The following ZBTB2 variants were observed in gnomAD, a reference collection of about 807,000 sequenced individuals.
ZBTB2 encodes zinc finger and BTB domain containing 2, also known as zinc finger and BTB domain-containing protein 2.
Under a neutral mutation model 39.5 loss-of-function variants are expected in ZBTB2, and 2 were observed. The ratio of observed to expected loss-of-function variants is 0.05; its 90% CI spans 0.02 to 0.16. The LOEUF (loss-of-function observed/expected upper bound fraction) is 0.16, where lower values mean the gene tolerates loss of function less well. ZBTB2 is among the 10% of genes least tolerant of loss of function. The pLI, the probability that ZBTB2 is intolerant of heterozygous loss-of-function variation, is 1.00. For synonymous variants in ZBTB2, 251 were observed against 256.6 expected (o/e 0.98, Z 0.21); for missense variants, 391 against 653.0 (o/e 0.60, Z 4.37).
chr6:151,367,608 T>C (rs1778678843), intron 2 of ZBTB2, among the ~76,000 whole-genome samples: 1 of 152,156 alleles, frequency 6.6e-6, no homozygotes, highest in African/African-American at 2.4e-5. Context: ...CAATATCATG[T>C]AGTTGGTAAG....
chr6:151,390,740 G>C (rs1259517794), intron 1 of ZBTB2, among the ~76,000 whole-genome samples: 1 of 151,592 alleles, frequency 6.6e-6, no homozygotes, highest in Non-Finnish European at 1.5e-5. Context: ...GCCTGCTCCG[G>C]TCGGACCGGA....
intron 2 of ZBTB2, chr6:151,370,169 C>T: frequency 1.2e-6 from 1 of 806,698 alleles, no homozygotes; most frequent in Non-Finnish European, 1.5e-6. Context: ...GAGTTTCACT[C>T]TTGTTGCCCA....
chr6:151,374,153 C>T (rs182061360), intron 1 of ZBTB2, among the ~76,000 whole-genome samples: 2 of 152,116 alleles, frequency 1.3e-5, no homozygotes, highest in African/African-American at 2.4e-5. Flanking sequence ...GGTGTTGGGG[C>T]GGGGTCCCAG....
rs540018873 is a variant in ZBTB2, at chr6:151,379,540, G to C, written c.-12-5891C>G. ...ACCTGTGGTCCCAGCTACTCTGGAA[G>C]CTGAAGTGGGAGGATCACTTGAGCC... On this transcript the variant is annotated intron_variant, in intron 1 of 2. Coordinates refer to ENST00000325144, the MANE Select transcript of ZBTB2 (RefSeq NM_020861.3). Among the ~76,000 whole-genome samples the C allele has an allele frequency of 3.4e-5, 5 of 148,986 alleles. No individual in the cohort carries two copies. In the East Asian group the frequency reaches 8.2e-4, roughly 24 times the overall value.
chr6:151,366,351 C>A lies in ZBTB2; in HGVS notation c.715G>T (p.Val239Phe). The A allele has an allele frequency of 1.2e-6, 2 of 1,614,050 alleles. No individual in the cohort carries two copies. The highest frequency in any genetic ancestry group is 1.7e-6 in the Non-Finnish European group (2 of 1,180,024). ...EQPASLTIAHVKPSIMKRNGS... is the reference protein window; with the variant it reads ...EQPASLTIAHFKPSIMKRNGS... ...TTCCTCTTCATGATGCTTGGCTTGACGTGGGCTATTGTGAGGGACGCAGGC... is the reference window on the plus strand; with the variant it reads ...TTCCTCTTCATGATGCTTGGCTTGAAGTGGGCTATTGTGAGGGACGCAGGC... The change falls in exon 3 of 3, where the codon GTC becomes TTC. Residue 239 changes from valine (V) to phenylalanine (F), a missense_variant. Physicochemically the swap from Val to Phe is conservative, Grantham distance 50 (BLOSUM62 -1). Transcript: ENST00000325144. The surrounding 1 kb of genome is among the most constrained non-coding windows in gnomAD (Gnocchi z 7.1).
chr6:151,383,314 AG>A (rs1321861594), intron 1 of ZBTB2, among the ~76,000 whole-genome samples: 8 of 152,170 alleles, frequency 5.3e-5, no homozygotes, highest in Admixed American at 5.2e-4. Context: ...CCTCCTGAGT[AG>A]CTGGGACTAG....
At position 151,366,617 on chromosome 6, in the gene ZBTB2, G is replaced by A; in HGVS notation, c.449C>T (p.Ser150Leu). The A allele has an allele frequency of 1.2e-6, 2 of 1,614,156 alleles. No individual in the cohort carries two copies. The highest frequency in any genetic ancestry group is 1.1e-5 in the South Asian group (1 of 91,078). Residue 150 changes from serine to leucine, a missense_variant, in exon 3 of 3, where the codon TCA becomes TTA. Ser to Leu is a moderately radical substitution (Grantham distance 145). Transcript: ENST00000325144. This position sits in a 1 kb window ranked among gnomAD's most constrained non-coding sequence, Gnocchi z 7.1. ...HQLRQATKIASAPEKLGRDPR... is the reference protein window; with the variant it reads ...HQLRQATKIALAPEKLGRDPR... ...ATCTCGCCCGAGTTTTTCAGGTGCT[G>A]AAGCAATCTTGGTGGCTTGTCTCAA...
At chr6:151,382,265 C>CA (rs907048534) in intron 1 of ZBTB2, among the ~76,000 whole-genome samples, 6 of 151,762 alleles carry the variant, frequency 4.0e-5, no homozygotes, top group Non-Finnish European at 8.8e-5. Flanking sequence ...TTTCTTTTTC[C>CA]TTTTTTTTAG....
At chr6:151,386,886 A>ACAG (rs71014580) in intron 1 of ZBTB2, among the ~76,000 whole-genome samples, 1 of 152,088 alleles carries the variant, frequency 6.6e-6, no homozygotes, top group African/African-American at 2.4e-5. Flanking sequence ...ATTAAAAACA[A>ACAG]TAAGGCCATT....
Position 151,366,589 on chromosome 6 carries a change from T to A in ZBTB2, c.477A>T (p.Pro159=). 6.2e-7 allele frequency: 1 copy of A among 1,614,094 alleles called. No individual in the cohort carries two copies. The highest frequency in any genetic ancestry group is 1.3e-5 in the African/African-American group (1 of 75,014). The part of the protein sequence containing the change: ...ASAPEKLGRD[P]RPQTSRISQE... ...GGCTTATCCTGGAGGTCTGTGGCCG[T>A]GGATCTCGCCCGAGTTTTTCAGGTG... is the stretch of plus-strand genomic sequence containing the variant. The change falls in exon 3 of 3, where the codon CCA becomes CCT. Residue 159 remains proline, a synonymous_variant. Coordinates refer to ENST00000325144, the MANE Select transcript of ZBTB2 (RefSeq NM_020861.3). This position sits in a 1 kb window ranked among gnomAD's most constrained non-coding sequence, Gnocchi z 7.1.
intron 1 of ZBTB2, among the ~76,000 whole-genome samples, chr6:151,375,937 A>G (rs1025536627): frequency 2.6e-5 from 4 of 152,216 alleles, no homozygotes; most frequent in Non-Finnish European, 5.9e-5. Context: ...GATGTAGTAC[A>G]TTGCTATAGT....
intron 1 of ZBTB2, among the ~76,000 whole-genome samples, chr6:151,389,381 G>A (rs1368371872): frequency 2.0e-5 from 3 of 152,182 alleles, no homozygotes; most frequent in Non-Finnish European, 4.4e-5. Context: ...ATTTTGGTTT[G>A]TGATAAATCA....
At chr6:151,389,417 G>A (rs1779234364) in intron 1 of ZBTB2, among the ~76,000 whole-genome samples, 1 of 152,180 alleles carries the variant, frequency 6.6e-6, no homozygotes, top group African/African-American at 2.4e-5. Context: ...AAATGGCACA[G>A]TCCCAATTCT....
intron 1 of ZBTB2, among the ~76,000 whole-genome samples, chr6:151,385,547 A>G (rs564432343): frequency 6.6e-6 from 1 of 152,336 alleles, no homozygotes; most frequent in South Asian, 2.1e-4. Flanking sequence ...GAAATTGTTG[A>G]TTCAGTTTTT....
chr6:151,368,723 G>C (rs1302426123), intron 2 of ZBTB2, among the ~76,000 whole-genome samples: 2 of 151,544 alleles, frequency 1.3e-5, no homozygotes, highest in African/African-American at 4.8e-5. Context: ...CAAAGTGATG[G>C]GATTACAGGC....
intron 2 of ZBTB2, among the ~76,000 whole-genome samples, chr6:151,372,583 T>C (rs1470855303): frequency 6.6e-6 from 1 of 151,988 alleles, no homozygotes; most frequent in East Asian, 1.9e-4. Context: ...AGGGAGATCA[T>C]TTTCCAGAGA....
At chr6:151,374,017 T>TG (rs1159494164) in intron 1 of ZBTB2, among the ~76,000 whole-genome samples, 6 of 152,206 alleles carry the variant, frequency 3.9e-5, no homozygotes, top group Non-Finnish European at 5.9e-5. Flanking sequence ...GCAAATATCT[T>TG]GGACCATCGA....
intron 1 of ZBTB2, among the ~76,000 whole-genome samples, chr6:151,382,830 T>C (rs116776334): frequency 0.11 from 15,868 of 150,938 alleles, 887 homozygotes; most frequent in Middle Eastern, 0.19. Context: ...GCTGGGACTA[T>C]GGGCGTGAGC....
At chr6:151,378,747 C>T (rs1216390879) in intron 1 of ZBTB2, among the ~76,000 whole-genome samples, 1 of 152,238 alleles carries the variant, frequency 6.6e-6, no homozygotes, top group Non-Finnish European at 1.5e-5. Flanking sequence ...CCCACAGCTT[C>T]AGGTGTCACG....
Sources: allele counts gnomAD v4.1 joint callset (sites outside exome capture counted in the v4.1 genomes callset), GRCh38; gene constraint gnomAD v4.1.1; non-coding constraint Gnocchi (gnomAD v3.1); transcripts MANE v1.5; gene names NCBI Gene and HGNC (gene_info 2026-07-23, HGNC 2026-07-21).